Variants in CNTN4 observed in about 807,000 individuals in gnomAD.
CNTN4 encodes contactin 4, also known as contactin-4.
A neutral mutation model predicts 122.5 loss-of-function variants in CNTN4; 77 were observed. That is an observed-to-expected ratio of 0.63 (90% CI 0.52 to 0.76). The LOEUF is 0.76. Ranked by LOEUF, CNTN4 falls within the 30% of genes least tolerant of loss-of-function variation. The pLI is 0.00. For missense variants in CNTN4, 1,256 were observed against 1,259.1 expected, an observed-to-expected ratio of 1.00 and a Z score of 0.04; for synonymous variants, 512 against 447.0, an observed-to-expected ratio of 1.15 and a Z score of -1.83.
intron 6 of CNTN4, among the ~76,000 whole-genome samples, chr3:2,781,622 G>A (rs1214877135): frequency 4.6e-5 from 7 of 151,618 alleles, no homozygotes; most frequent in African/African-American, 1.7e-4. Context: ...AGGGAGACAT[G>A]AGACATCAAT....
intron 6 of CNTN4, among the ~76,000 whole-genome samples, chr3:2,808,664 T>C (rs1487722516): frequency 6.6e-6 from 1 of 151,948 alleles, no homozygotes; most frequent in Non-Finnish European, 1.5e-5. Flanking sequence ...GGGGCAGGGG[T>C]GAGTGGGCGA....
intron 2 of CNTN4, among the ~76,000 whole-genome samples, chr3:2,211,827 AC>A (rs1483839163): frequency 6.6e-6 from 1 of 152,210 alleles, no homozygotes; most frequent in Non-Finnish European, 1.5e-5. Flanking sequence ...GTATGAGCAG[AC>A]TTATGGATAG....
chr3:2,149,650 A>G (rs958294243), intron 2 of CNTN4, among the ~76,000 whole-genome samples: 5 of 152,186 alleles, frequency 3.3e-5, no homozygotes, highest in African/African-American at 9.6e-5. Flanking sequence ...TTTAATCTGT[A>G]TTTATAAATA....
chr3:2,992,026 T>G (rs1381286333), intron 14 of CNTN4, among the ~76,000 whole-genome samples: 1 of 152,158 alleles, frequency 6.6e-6, no homozygotes, highest in Admixed American at 6.5e-5. Context: ...CAAAATCCAA[T>G]TCTCTTTCTC....
chr3:2,335,883 T>C (rs1254208670), intron 2 of CNTN4, among the ~76,000 whole-genome samples: 2 of 152,164 alleles, frequency 1.3e-5, no homozygotes, highest in East Asian at 3.9e-4. Context: ...CCTTAGTTTA[T>C]AATAACTAAG....
intron 13 of CNTN4, among the ~76,000 whole-genome samples, chr3:2,931,492 C>A (rs1205793163): frequency 6.6e-6 from 1 of 152,164 alleles, no homozygotes; most frequent in African/African-American, 2.4e-5. Flanking sequence ...GATTCCCATT[C>A]AAGTGTCACC....
At chr3:2,799,694 A>G (rs750703807) in intron 6 of CNTN4, among the ~76,000 whole-genome samples, 2 of 152,110 alleles carry the variant, frequency 1.3e-5, no homozygotes, top group African/African-American at 2.4e-5. Context: ...AAACTCCTAT[A>G]GTTTCAGGTC....
chr3:2,162,214 A>G (rs2035993983), intron 2 of CNTN4, among the ~76,000 whole-genome samples: 1 of 152,170 alleles, frequency 6.6e-6, no homozygotes, highest in African/African-American at 2.4e-5. Flanking sequence ...TGAATTACTC[A>G]TTTTTGTTTA....
intron 3 of CNTN4, among the ~76,000 whole-genome samples, chr3:2,508,892 T>C (rs1167731029): frequency 6.6e-6 from 1 of 152,206 alleles, no homozygotes; most frequent in Non-Finnish European, 1.5e-5. Flanking sequence ...TAGATTTTTA[T>C]TATAAACACT....
Position 3,012,258 on chromosome 3 carries a change from G to A in CNTN4, c.1487-13844G>A, listed in dbSNP as rs1326903686. Among the ~76,000 whole-genome samples, 3 of 152,022 alleles carry A rather than the reference G, an allele frequency of 2.0e-5. No homozygotes were observed. In the East Asian group the frequency reaches 5.8e-4, roughly 29 times the overall value. On this transcript the variant is annotated intron_variant, in intron 14 of 24. Transcript: ENST00000418658. ...TGGAAGAGGTTCTTTTACTTAGGAT[G>A]TCTGTATTCAACAAAATATCAGTTG... is the stretch of plus-strand genomic sequence containing the variant.
chr3:2,958,868 A>G (rs1038176597), intron 13 of CNTN4, among the ~76,000 whole-genome samples: 1 of 152,244 alleles, frequency 6.6e-6, no homozygotes, highest in African/African-American at 2.4e-5. Flanking sequence ...TTATGAACTT[A>G]TGGATCCCTT....
chr3:2,295,643 A>C (rs1035601820), intron 2 of CNTN4, among the ~76,000 whole-genome samples: 2 of 151,986 alleles, frequency 1.3e-5, no homozygotes, highest in Non-Finnish European at 2.9e-5. Flanking sequence ...GTTCACTCTG[A>C]TGGTGGTTTC....
chr3:2,326,038 A>T (rs1250714599), intron 2 of CNTN4, among the ~76,000 whole-genome samples: 2 of 134,476 alleles, frequency 1.5e-5, no homozygotes, highest in Non-Finnish European at 3.3e-5. Context: ...CAGAGTGCCC[A>T]AATATTTGAT....
chr3:2,179,455 C>G (rs922899729), intron 2 of CNTN4, among the ~76,000 whole-genome samples: 2 of 151,892 alleles, frequency 1.3e-5, no homozygotes, highest in Non-Finnish European at 1.5e-5. Context: ...AGATAATAAA[C>G]TTCAACTTCC....
At chr3:3,035,925 C>G (rs1157287800) in intron 17 of CNTN4, among the ~76,000 whole-genome samples, 1 of 146,908 alleles carries the variant, frequency 6.8e-6, no homozygotes, top group Non-Finnish European at 1.5e-5. Flanking sequence ...TTTACAAATT[C>G]TTAAAAAAAA....
intron 2 of CNTN4, among the ~76,000 whole-genome samples, chr3:2,105,391 G>T (rs566935247): frequency 9.2e-5 from 14 of 152,330 alleles, no homozygotes; most frequent in African/African-American, 3.1e-4. Flanking sequence ...CTGCTAGAAA[G>T]AACTGCCTGA....
chr3:2,200,183 G>A (rs1463066375), intron 2 of CNTN4, among the ~76,000 whole-genome samples: 2 of 152,144 alleles, frequency 1.3e-5, no homozygotes, highest in African/African-American at 4.8e-5. Context: ...ATGATTCATT[G>A]TTCTATGTGG....
In CNTN4 at chr3:3,032,807, A is replaced by G. The variant is rs546376379; in HGVS notation, c.1784-1825A>G. Among the ~76,000 whole-genome samples the G allele has an allele frequency of 3.9e-5, 6 of 152,326 alleles. No individual in the cohort carries two copies. The South Asian group carries it at 1.2e-3, about 32-fold the overall frequency. On this transcript the variant is annotated intron_variant, in intron 16 of 24. Transcript: ENST00000418658. ...TCTTCTACATGCCCCTGAGTGTGTTATCATTTTGTTCAGAGGACAAACATT... is the reference window on the plus strand; with the variant it reads ...TCTTCTACATGCCCCTGAGTGTGTTGTCATTTTGTTCAGAGGACAAACATT...
chr3:2,989,414 T>C (rs1249272763), intron 14 of CNTN4, among the ~76,000 whole-genome samples: 2 of 152,162 alleles, frequency 1.3e-5, no homozygotes, highest in Non-Finnish European at 2.9e-5. Flanking sequence ...ATCATATTAT[T>C]TCCTTCTTGC....
Sources: allele counts gnomAD v4.1 joint callset (sites outside exome capture counted in the v4.1 genomes callset), GRCh38; gene constraint gnomAD v4.1.1; transcripts MANE v1.5; gene names NCBI Gene and HGNC (gene_info 2026-07-23, HGNC 2026-07-21).